Variants in MYO10 observed in about 807,000 individuals in gnomAD.
MYO10 encodes myosin X, also known as unconventional myosin-X.
MYO10 carries 133 observed loss-of-function variants against 257.3 expected under a neutral mutation model. The ratio of observed to expected loss-of-function variants is 0.52; its 90% confidence interval spans 0.45 to 0.60. MYO10 has a LOEUF of 0.60. Among genes scored for constraint, MYO10 ranks in the 20% least tolerant of loss-of-function variants. The pLI, the probability that MYO10 is intolerant of heterozygous loss-of-function variation, is 0.00. For synonymous variants in MYO10, 1,104 were observed against 1,028.6 expected, an observed-to-expected ratio of 1.07 and a Z score of -1.40; for missense variants, 2,399 against 2,635.7, an observed-to-expected ratio of 0.91 and a Z score of 1.97.
intron 3 of MYO10, among the ~76,000 whole-genome samples, chr5:16,816,040 TAAAAA>T (rs570072651): frequency 1.1e-5 from 1 of 91,998 alleles, no homozygotes; most frequent in Non-Finnish European, 2.3e-5. Flanking sequence ...TTTCACAGTG[TAAAAA>T]AAAAAAAAAA....
In MYO10 at chr5:16,837,081, C is replaced by T. The variant is rs982452059; in HGVS notation, c.121-18914G>A. The stretch of plus-strand genomic sequence containing the variant: ...ATCCCAGTACTTTGGGAGGCCGAGG[C>T]GGGCAGATCACCTGAGGTCAGGAGT... On this transcript the variant is annotated intron_variant, in intron 2 of 40. Transcript: ENST00000513610. Among the ~76,000 whole-genome samples the T allele has an allele frequency of 7.9e-5, 12 of 152,162 alleles. 1 individual carries two copies. In the South Asian group the frequency reaches 8.3e-4, roughly 11 times the overall value.
chr5:16,691,226 C>T (rs1337755320), intron 27 of MYO10, among the ~76,000 whole-genome samples: 2 of 148,390 alleles, frequency 1.3e-5, no homozygotes, highest in East Asian at 2.0e-4. Context: ...GCTGAGATCG[C>T]GCCACTGCAC....
At chr5:16,922,213 CAA>C (rs370180899) in intron 1 of MYO10, among the ~76,000 whole-genome samples, 44,132 of 125,802 alleles carry the variant, frequency 0.35, 6,868 homozygotes, top group East Asian at 0.52. Context: ...GACTCCGTCT[CAA>C]AAAAAAAAAA....
At chr5:16,777,748 G>A (rs62369287) in intron 9 of MYO10, among the ~76,000 whole-genome samples, 29,663 of 150,346 alleles carry the variant, frequency 0.2, 3,146 homozygotes, top group Non-Finnish European at 0.23. Flanking sequence ...AACTCCATGT[G>A]AAGTTCATAA....
At chr5:16,728,099 G>A (rs1739443003) in intron 19 of MYO10, among the ~76,000 whole-genome samples, 1 of 152,128 alleles carries the variant, frequency 6.6e-6, no homozygotes, top group Admixed American at 6.5e-5. Flanking sequence ...TTGAGCTCTA[G>A]GAACATAGGC....
At chr5:16,747,855 C>T (rs188348230) in intron 19 of MYO10, among the ~76,000 whole-genome samples, 1 of 131,188 alleles carries the variant, frequency 7.6e-6, no homozygotes, top group Non-Finnish European at 1.6e-5. Context: ...GGAGGCGGAG[C>T]TTGCAGTGAG....
At chr5:16,788,574 CT>C (rs754360502) in intron 4 of MYO10, among the ~76,000 whole-genome samples, 188 of 152,200 alleles carry the variant, frequency 1.2e-3, no homozygotes, top group Non-Finnish European at 2.3e-3. Flanking sequence ...CATGCCACCC[CT>C]GAGACATCTC....
chr5:16,778,364 T>C (rs1397755318), intron 9 of MYO10, among the ~76,000 whole-genome samples: 1 of 152,086 alleles, frequency 6.6e-6, no homozygotes, highest in Non-Finnish European at 1.5e-5. Context: ...GAAATGGCCA[T>C]CACAAGCCAC....
intron 3 of MYO10, among the ~76,000 whole-genome samples, chr5:16,816,827 C>CT (rs1361452172): frequency 2.7e-4 from 37 of 138,112 alleles, no homozygotes; most frequent in Admixed American, 2.3e-3. Context: ...CGCACCTGGC[C>CT]TTTTTTTTCT....
intron 19 of MYO10, among the ~76,000 whole-genome samples, chr5:16,718,349 A>G (rs1579898617): frequency 1.3e-5 from 2 of 152,256 alleles, no homozygotes; most frequent in East Asian, 1.9e-4. Flanking sequence ...CGCACGGCGC[A>G]GGACTGGCAG....
chr5:16,703,289 G>A, intron 22 of MYO10, 131 bp from the exon 23 acceptor site: 1 of 688,736 alleles, frequency 1.5e-6, no homozygotes, highest in Non-Finnish European at 2.4e-6. Context: ...TATGGAAACT[G>A]GAGAGAACAA....
intron 19 of MYO10, among the ~76,000 whole-genome samples, chr5:16,724,080 C>A (rs562409460): frequency 1.3e-5 from 2 of 152,266 alleles, no homozygotes; most frequent in East Asian, 3.9e-4. Context: ...TAGAATAAAC[C>A]TTTGGGGAAA....
intron 26 of MYO10, among the ~76,000 whole-genome samples, chr5:16,698,123 C>T (rs980066296): frequency 2.6e-5 from 4 of 152,150 alleles, no homozygotes; most frequent in Admixed American, 2.6e-4. Context: ...GCAATTCCTG[C>T]ACTTTGGGAG....
intron 2 of MYO10, among the ~76,000 whole-genome samples, chr5:16,854,769 C>T (rs889878581): frequency 6.6e-6 from 1 of 152,138 alleles, no homozygotes; most frequent in Non-Finnish European, 1.5e-5. Flanking sequence ...TGGTGGCTCA[C>T]ATCTGTAATC....
chr5:16,906,113 A>G (rs1745511279), intron 1 of MYO10, among the ~76,000 whole-genome samples: 1 of 152,206 alleles, frequency 6.6e-6, no homozygotes, highest in African/African-American at 2.4e-5. Flanking sequence ...ACAGGCCTTG[A>G]AGGCAACTCC....
Position 16,800,171 on chromosome 5 carries a change from C to G in MYO10, c.280-5338G>C, listed in dbSNP as rs533944770. ...CAATAATATTGATCTTTGTATCTGA[C>G]TCTTACAATAAAATGCATGCTTCAT... is the stretch of plus-strand genomic sequence containing the variant. On this transcript the variant is annotated intron_variant, in intron 3 of 40. Transcript: ENST00000513610. Among the ~76,000 whole-genome samples, 9 of 152,246 alleles carry G rather than the reference C, an allele frequency of 5.9e-5. No individual in the cohort carries two copies. In the South Asian group the frequency reaches 1.2e-3, roughly 21 times the overall value.
intron 19 of MYO10, among the ~76,000 whole-genome samples, chr5:16,718,526 T>C (rs1739000405): frequency 6.6e-6 from 1 of 152,300 alleles, no homozygotes; most frequent in Admixed American, 6.5e-5. Context: ...ATCGACACTC[T>C]GTATCTAGCT....
At chr5:16,811,283 G>A (rs778091612) in intron 3 of MYO10, among the ~76,000 whole-genome samples, 34 of 152,180 alleles carry the variant, frequency 2.2e-4, no homozygotes, top group Non-Finnish European at 4.7e-4. Context: ...CAGTAGCGTC[G>A]CTTGACCGTA....
intron 3 of MYO10, among the ~76,000 whole-genome samples, chr5:16,802,601 G>T (rs1742152537): frequency 6.8e-6 from 1 of 146,676 alleles, no homozygotes; most frequent in Non-Finnish European, 1.5e-5. Context: ...AGCTTGCAGT[G>T]AGCTGAGATC....
Sources: allele counts gnomAD v4.1 joint callset (sites outside exome capture counted in the v4.1 genomes callset), GRCh38; gene constraint gnomAD v4.1.1; transcripts MANE v1.5; gene names NCBI Gene and HGNC (gene_info 2026-07-23, HGNC 2026-07-21).